KIF18A: variants seen among roughly 807,000 people sequenced by gnomAD.
The protein encoded by KIF18A is kinesin family member 18A.
A neutral mutation model predicts 103.3 loss-of-function variants in KIF18A; 67 were observed. The observed-to-expected ratio is 0.65, with a 90% CI of 0.53 to 0.79. KIF18A has a LOEUF of 0.79. Among genes scored for constraint, KIF18A ranks in the 30% least tolerant of loss-of-function variants. The pLI, the probability that KIF18A is intolerant of heterozygous loss-of-function variation, is 0.00. For missense variants in KIF18A, 1,032 were observed against 1,062.5 expected (o/e 0.97, Z 0.40); for synonymous variants, 367 against 355.5 (o/e 1.03, Z -0.36).
intron 13 of KIF18A, among the ~76,000 whole-genome samples, chr11:28,057,555 T>C (rs1386193985): frequency 6.6e-6 from 1 of 151,868 alleles, no homozygotes; most frequent in Non-Finnish European, 1.5e-5. Flanking sequence ...AAAAAGACTA[T>C]GCATTATTAT....
At chr11:28,106,362 T>C (rs1851503395) in intron 1 of KIF18A, among the ~76,000 whole-genome samples, 1 of 152,102 alleles carries the variant, frequency 6.6e-6, no homozygotes, top group South Asian at 2.1e-4. Context: ...AAACACTGTA[T>C]AGGACTGAAA....
At chr11:28,064,208 T>C (rs947065616) in intron 11 of KIF18A, among the ~76,000 whole-genome samples, 1 of 151,826 alleles carries the variant, frequency 6.6e-6, no homozygotes, top group African/African-American at 2.4e-5. Context: ...ATAGCAAATG[T>C]TTTAGAAAAA....
chr11:28,064,092 T>G (rs1424498516), intron 11 of KIF18A, among the ~76,000 whole-genome samples: 1 of 151,222 alleles, frequency 6.6e-6, no homozygotes, highest in Non-Finnish European at 1.5e-5. Flanking sequence ...TTAGGATATA[T>G]TAAATTTAGG....
intron 3 of KIF18A, among the ~76,000 whole-genome samples, 198 bp downstream of exon 3, chr11:28,094,445 A>G (rs1210381299): frequency 2.6e-5 from 4 of 151,894 alleles, no homozygotes; most frequent in Non-Finnish European, 4.4e-5. Flanking sequence ...CTATTGTTGC[A>G]ACTTCTCTAT....
intron 13 of KIF18A, among the ~76,000 whole-genome samples, chr11:28,050,544 TAAGA>T (rs1850698478): frequency 6.6e-6 from 1 of 151,896 alleles, no homozygotes; most frequent in African/African-American, 2.4e-5. Flanking sequence ...GGTACTATGT[TAAGA>T]GACTGGTTCT....
chr11:28,023,524 G>A (rs545863232), intron 16 of KIF18A, among the ~76,000 whole-genome samples: 10 of 152,010 alleles, frequency 6.6e-5, no homozygotes, highest in Non-Finnish European at 1.2e-4. Context: ...CTTGAGTTTT[G>A]GCTCTACCAA....
intron 3 of KIF18A, 68 bp downstream of exon 3, chr11:28,094,575 A>G: frequency 8.9e-7 from 1 of 1,120,374 alleles, no homozygotes; most frequent in Middle Eastern, 2.3e-4. Context: ...CTTATATAAT[A>G]AAATCATTTG....
chr11:28,066,952 T>C (rs948895002), intron 11 of KIF18A, among the ~76,000 whole-genome samples: 20 of 151,906 alleles, frequency 1.3e-4, no homozygotes, highest in African/African-American at 4.6e-4. Context: ...TCATCCATTA[T>C]TATTTGTTAA....
chr11:28,025,825 G>A (rs904532051), intron 15 of KIF18A, among the ~76,000 whole-genome samples: 1 of 151,884 alleles, frequency 6.6e-6, no homozygotes, highest in African/African-American at 2.4e-5. Context: ...ATAAAGTTAA[G>A]AATTAACCTT....
intron 15 of KIF18A, among the ~76,000 whole-genome samples, chr11:28,035,068 G>C (rs1242703368): frequency 6.6e-6 from 1 of 151,646 alleles, no homozygotes; most frequent in Non-Finnish European, 1.5e-5. Flanking sequence ...GGATAATGAA[G>C]TAAGTAGAAA....
At chr11:28,103,020 C>T (rs1371510636) in intron 1 of KIF18A, among the ~76,000 whole-genome samples, 1 of 152,170 alleles carries the variant, frequency 6.6e-6, no homozygotes, top group Admixed American at 6.5e-5. Flanking sequence ...TCTTTTCAGA[C>T]AGCTGTTCAG....
chr11:28,040,769 A>G (rs1237089267), intron 13 of KIF18A, among the ~76,000 whole-genome samples: 2 of 151,928 alleles, frequency 1.3e-5, no homozygotes, highest in Non-Finnish European at 2.9e-5. Context: ...GGTAGTGGGT[A>G]GCAATGTATG....
intron 9 of KIF18A, 34 bp from the exon 10 acceptor site, chr11:28,077,203 TA>T: frequency 6.9e-7 from 1 of 1,459,328 alleles, no homozygotes; most frequent in Non-Finnish European, 9.2e-7. Flanking sequence ...AGAATCTCAC[TA>T]ATTTTGTAGC....
chr11:28,106,551 CAAAAAAAAA>C (rs11301094), intron 1 of KIF18A, among the ~76,000 whole-genome samples: 1 of 82,336 alleles, frequency 1.2e-5, no homozygotes. Context: ...CAGTTGTCAG[CAAAAAAAAA>C]AAAAAAAAAA....
chr11:28,066,564 T>A (rs940338409), intron 11 of KIF18A, among the ~76,000 whole-genome samples: 2 of 151,752 alleles, frequency 1.3e-5, no homozygotes. Flanking sequence ...GACACAACGT[T>A]TAAAAAAAAC....
At chr11:28,088,356 T>C (rs1352701744) in intron 6 of KIF18A, among the ~76,000 whole-genome samples, 168 bp downstream of exon 6, 1 of 152,100 alleles carries the variant, frequency 6.6e-6, no homozygotes, top group Non-Finnish European at 1.5e-5. Flanking sequence ...TAAAAATCAG[T>C]TTAATACACT....
intron 15 of KIF18A, among the ~76,000 whole-genome samples, chr11:28,033,677 A>C (rs1850440905): frequency 6.6e-6 from 1 of 151,650 alleles, no homozygotes; most frequent in Non-Finnish European, 1.5e-5. Flanking sequence ...ACTCATGGAG[A>C]TAGAGAGTAG....
At chr11:28,097,547 A>C in intron 2 of KIF18A, 76 bp downstream of exon 2, 2 of 916,434 alleles carry the variant, frequency 2.2e-6, no homozygotes, top group Non-Finnish European at 3.6e-6. Context: ...TATATTTAGA[A>C]GGGTCAAGTA....
intron 7 of KIF18A, among the ~76,000 whole-genome samples, 200 bp from the exon 8 acceptor site, chr11:28,083,443 A>T (rs1851190269): frequency 6.6e-6 from 1 of 152,122 alleles, no homozygotes; most frequent in Non-Finnish European, 1.5e-5. Flanking sequence ...AAATTACTTT[A>T]TTGAGAAAAG....
Sources: gnomAD v4.1 joint callset for allele counts (sites outside exome capture counted in the v4.1 genomes callset) on GRCh38, gnomAD v4.1.1 for gene constraint, MANE v1.5 for transcripts, NCBI Gene and HGNC (gene_info 2026-07-23, HGNC 2026-07-21) for gene names.